KLF12: variants seen among roughly 807,000 people sequenced by gnomAD.
The protein encoded by KLF12 is Krueppel-like factor 12.
A neutral mutation model predicts 37.8 loss-of-function variants in KLF12; 9 were observed. The ratio of observed to expected loss-of-function variants is 0.24; its 90% confidence interval spans 0.14 to 0.42. The LOEUF (loss-of-function observed/expected upper bound fraction) is 0.42, where lower values mean the gene tolerates loss of function less well. KLF12 is among the 10% of genes least tolerant of loss of function. The probability of loss-of-function intolerance (pLI) is 1.00; values close to 1 mark genes in which losing one functional copy is unlikely to be tolerated. For missense variants in KLF12, 411 were observed against 516.0 expected (o/e 0.80, Z 1.97); for synonymous variants, 208 against 202.1 (o/e 1.03, Z -0.25).
the KLF12 span, among the ~76,000 whole-genome samples, chr13:74,293,541 T>C: frequency 6.6e-6 from 1 of 152,208 alleles, no homozygotes; most frequent in South Asian, 2.1e-4. Flanking sequence ...TGTCACAGAA[T>C]ATTTTAAGAT....
the KLF12 span, among the ~76,000 whole-genome samples, chr13:74,273,985 T>C: frequency 2.0e-5 from 3 of 152,094 alleles, no homozygotes; most frequent in Non-Finnish European, 2.9e-5. Flanking sequence ...ATAGTGTAAT[T>C]AAAAATAGAA....
chr13:73,717,643 C>T (rs756626477), intron 6 of KLF12, among the ~76,000 whole-genome samples: 1 of 152,208 alleles, frequency 6.6e-6, no homozygotes, highest in Non-Finnish European at 1.5e-5. Flanking sequence ...AGATCTACCA[C>T]AGTAGAATGA....
At chr13:73,727,121 GT>G (rs58529912) in intron 6 of KLF12, among the ~76,000 whole-genome samples, 1 of 133,494 alleles carries the variant, frequency 7.5e-6, no homozygotes, top group Admixed American at 7.3e-5. Context: ...AAACTGTTTT[GT>G]TTTTTTATTG....
the KLF12 span, among the ~76,000 whole-genome samples, chr13:74,305,096 A>G: frequency 2.6e-4 from 40 of 152,008 alleles, no homozygotes; most frequent in African/African-American, 8.0e-4. Context: ...CCCAGTAACA[A>G]TTTTGAGGGT....
At chr13:73,735,798 T>C (rs1275693198) in intron 6 of KLF12, among the ~76,000 whole-genome samples, 1 of 152,190 alleles carries the variant, frequency 6.6e-6, no homozygotes, top group Non-Finnish European at 1.5e-5. Context: ...AGATTGATAC[T>C]ACTGAGTTAC....
At chr13:73,927,493 C>T (rs144375661) in intron 3 of KLF12, among the ~76,000 whole-genome samples, 96 of 152,316 alleles carry the variant, frequency 6.3e-4, no homozygotes, top group African/African-American at 2.0e-3. Flanking sequence ...TTCTCCAAAC[C>T]TTTACTAACA....
chr13:73,735,951 C>CTTTT lies in KLF12; in HGVS notation c.870-20430_870-20427dup, dbSNP rs542835566. Among the ~76,000 whole-genome samples, 90 of 132,862 alleles carry CTTTT rather than the reference C, an allele frequency of 6.8e-4. No individual in the cohort carries two copies. In the East Asian group the frequency reaches 0.015, roughly 22 times the overall value. 87.2% of individuals were successfully genotyped at this position (132,862 alleles called of 152,430 possible). On this transcript the variant is annotated intron_variant, in intron 6 of 7. Coordinates refer to ENST00000377669, the MANE Select transcript of KLF12 (RefSeq NM_007249.5). The stretch of plus-strand genomic sequence containing the variant: ...CTGTATGCACTGATTTTCTTTCTTT[C>CTTTT]TTTTTCTTTTTTTTTTTACCTGCTT...
At chr13:73,819,434 G>A (rs1037210491) in intron 4 of KLF12, among the ~76,000 whole-genome samples, 22 of 152,106 alleles carry the variant, frequency 1.4e-4, no homozygotes, top group South Asian at 1.0e-3. Context: ...TTCTTTTCAC[G>A]TGTACCTAAA....
chr13:74,134,973 C>A (rs1878488578), upstream of KLF12, among the ~76,000 whole-genome samples: 1 of 151,564 alleles, frequency 6.6e-6, no homozygotes, highest in Admixed American at 6.6e-5. Context: ...TCGCGGGGAC[C>A]GCCCCTGGGC....
Position 73,799,830 on chromosome 13 carries a change from T to C in KLF12, c.806+13322A>G, listed in dbSNP as rs79454873. Among the ~76,000 whole-genome samples the C allele has an allele frequency of 9.3e-3, 1,415 of 152,252 alleles. 25 individuals are homozygous for C. Among genetic ancestry groups the C allele is most frequent in the African/African-American group, 0.033 (1,352 of 41,562 alleles). On this transcript the variant is annotated intron_variant, in intron 5 of 7. Transcript: ENST00000377669. ...TACTTCAACTACAAGATCAATTTCATCTTCTGTGTCACTTGTAATAGTGCT... is the reference window on the plus strand; with the variant it reads ...TACTTCAACTACAAGATCAATTTCACCTTCTGTGTCACTTGTAATAGTGCT...
At chr13:73,749,791 AGTTG>A (rs2137958503) in intron 6 of KLF12, among the ~76,000 whole-genome samples, 1 of 152,346 alleles carries the variant, frequency 6.6e-6, no homozygotes, top group Non-Finnish European at 1.5e-5. Context: ...AACTTATGAA[AGTTG>A]GTTTTTTCTT....
the KLF12 span, among the ~76,000 whole-genome samples, chr13:74,220,232 A>T: frequency 6.6e-6 from 1 of 152,194 alleles, no homozygotes; most frequent in African/African-American, 2.4e-5. Context: ...TATAGTATAG[A>T]ATAATGGCTT....
At chr13:74,150,895 A>C in the KLF12 span, among the ~76,000 whole-genome samples, 3 of 152,230 alleles carry the variant, frequency 2.0e-5, no homozygotes, top group African/African-American at 7.2e-5. Context: ...ACCCAGAACT[A>C]ACTTTGGGTT....
At chr13:73,807,028 C>T (rs955404431) in intron 5 of KLF12, among the ~76,000 whole-genome samples, 8 of 151,898 alleles carry the variant, frequency 5.3e-5, no homozygotes, top group Non-Finnish European at 8.8e-5. Flanking sequence ...GAATTATGGC[C>T]GGGCACGGTG....
chr13:73,922,776 C>T (rs1264855308), intron 3 of KLF12, among the ~76,000 whole-genome samples: 1 of 152,162 alleles, frequency 6.6e-6, no homozygotes, highest in Admixed American at 6.5e-5. Flanking sequence ...ACCCTACATT[C>T]AAACTTGTAA....
chr13:74,021,961 G>T (rs1214926787), intron 1 of KLF12, among the ~76,000 whole-genome samples: 3 of 152,174 alleles, frequency 2.0e-5, no homozygotes, highest in South Asian at 2.1e-4. Context: ...AAAACATAGT[G>T]ATGGTCATCA....
At chr13:73,810,477 C>T (rs1403464175) in intron 5 of KLF12, among the ~76,000 whole-genome samples, 2 of 151,774 alleles carry the variant, frequency 1.3e-5, no homozygotes, top group Non-Finnish European at 2.9e-5. Flanking sequence ...TTTATTTAGG[C>T]CAGGATGCTC....
At chr13:73,815,793 T>C (rs1883184386) in intron 4 of KLF12, among the ~76,000 whole-genome samples, 2 of 152,212 alleles carry the variant, frequency 1.3e-5, no homozygotes, top group South Asian at 4.1e-4. Flanking sequence ...TAGTAAGTAA[T>C]ACAACTCAAG....
the KLF12 span, among the ~76,000 whole-genome samples, chr13:74,253,478 A>T: frequency 6.6e-6 from 1 of 152,236 alleles, no homozygotes; most frequent in South Asian, 2.1e-4. Context: ...AGCCACCTCA[A>T]ATCCCTTGTG....
Sources: gnomAD v4.1 joint callset for allele counts (sites outside exome capture counted in the v4.1 genomes callset) on GRCh38, gnomAD v4.1.1 for gene constraint, MANE v1.5 for transcripts, NCBI Gene and HGNC (gene_info 2026-07-23, HGNC 2026-07-21) for gene names.